The following POFUT3 variants were observed in gnomAD, a reference collection of about 807,000 sequenced individuals.
POFUT3 encodes protein O-fucosyltransferase 3.
chr8:33,427,902 G>A, the POFUT3 span, among the ~76,000 whole-genome samples: 9 of 152,148 alleles, frequency 5.9e-5, no homozygotes, highest in East Asian at 9.7e-4. Context: ...TGAGGTAGGC[G>A]GATCACAAGG....
the POFUT3 span, chr8:33,372,545 T>G: frequency 6.2e-7 from 1 of 1,602,292 alleles, no homozygotes; most frequent in Non-Finnish European, 8.5e-7. Flanking sequence ...TCAAGAAGGC[T>G]CTAGTCTGTT....
At chr8:33,316,592 G>A in the POFUT3 span, among the ~76,000 whole-genome samples, 2 of 147,214 alleles carry the variant, frequency 1.4e-5, no homozygotes, top group East Asian at 2.1e-4. Flanking sequence ...AAGAAAGAAA[G>A]AAAGCTGGGC....
chr8:33,395,476 G>A, the POFUT3 span, among the ~76,000 whole-genome samples: 4 of 151,836 alleles, frequency 2.6e-5, no homozygotes, highest in East Asian at 3.9e-4. Flanking sequence ...GGCCATCCCC[G>A]GCCAAACTCC....
At chr8:33,342,361 C>A in the POFUT3 span, among the ~76,000 whole-genome samples, 1 of 147,398 alleles carries the variant, frequency 6.8e-6, no homozygotes, top group Non-Finnish European at 1.5e-5. Flanking sequence ...TGTCCCCCCA[C>A]AAAAAAAGAA....
At chr8:33,461,360 C>T in the POFUT3 span, 1 of 1,601,722 alleles carries the variant, frequency 6.2e-7, no homozygotes, top group Admixed American at 1.7e-5. Context: ...ACACAACCCA[C>T]ATTCTTGGTA....
chr8:33,441,122 G>A, the POFUT3 span, among the ~76,000 whole-genome samples: 3 of 152,010 alleles, frequency 2.0e-5, no homozygotes, highest in Non-Finnish European at 4.4e-5. Context: ...CCTGAGGTCA[G>A]GAATTCGAGA....
At chr8:33,400,414 C>T in the POFUT3 span, among the ~76,000 whole-genome samples, 2 of 152,026 alleles carry the variant, frequency 1.3e-5, no homozygotes. Flanking sequence ...GATCGCTCCA[C>T]TGCACTCCAG....
chr8:33,330,111 C>T, the POFUT3 span, among the ~76,000 whole-genome samples: 18 of 152,166 alleles, frequency 1.2e-4, no homozygotes, highest in Admixed American at 6.5e-4. Flanking sequence ...TGCTTCATTC[C>T]AAGCACTCTC....
At chr8:33,441,531 C>G in the POFUT3 span, among the ~76,000 whole-genome samples, 3 of 151,904 alleles carry the variant, frequency 2.0e-5, no homozygotes, top group South Asian at 6.2e-4. Flanking sequence ...TAGGTGTGCA[C>G]CACCATGCCC....
chr8:33,317,770 TG>T, the POFUT3 span, among the ~76,000 whole-genome samples: 1 of 152,022 alleles, frequency 6.6e-6, no homozygotes, highest in Non-Finnish European at 1.5e-5. Flanking sequence ...AACCCCAGTT[TG>T]GGTCTGTAAC....
At chr8:33,365,966 T>C in the POFUT3 span, among the ~76,000 whole-genome samples, 274 of 152,346 alleles carry the variant, frequency 1.8e-3, 2 homozygotes, top group Non-Finnish European at 2.7e-3. Flanking sequence ...TGTATGTTTA[T>C]TGTGGCACTA....
chr8:33,382,958 C>A, the POFUT3 span, among the ~76,000 whole-genome samples: 1 of 152,150 alleles, frequency 6.6e-6, no homozygotes, highest in African/African-American at 2.4e-5. Context: ...TCTCAGCACC[C>A]ATATCACACA....
chr8:33,457,622 T>A, the POFUT3 span, among the ~76,000 whole-genome samples: 2 of 152,160 alleles, frequency 1.3e-5, no homozygotes, highest in Non-Finnish European at 2.9e-5. Flanking sequence ...AGTAGCAATA[T>A]GGTTACATTA....
chr8:33,468,218 C>T, the POFUT3 span, among the ~76,000 whole-genome samples: 37 of 143,064 alleles, frequency 2.6e-4, 1 homozygote, highest in East Asian at 4.3e-3. Context: ...CCAGCCTGGA[C>T]GACAGAATGA....
the POFUT3 span, among the ~76,000 whole-genome samples, chr8:33,386,007 G>T: frequency 6.6e-6 from 1 of 151,734 alleles, no homozygotes; most frequent in Non-Finnish European, 1.5e-5. Context: ...GGTCAACATG[G>T]CGGAAACTCT....
At chr8:33,414,104 A>G in the POFUT3 span, among the ~76,000 whole-genome samples, 4 of 152,114 alleles carry the variant, frequency 2.6e-5, no homozygotes, top group Admixed American at 6.5e-5. Flanking sequence ...AAGAAATACA[A>G]TTGTCTTAAG....
the POFUT3 span, among the ~76,000 whole-genome samples, chr8:33,398,887 G>C: frequency 6.6e-6 from 1 of 152,120 alleles, no homozygotes; most frequent in Non-Finnish European, 1.5e-5. Context: ...GCCTTCTTAT[G>C]GGCCGGCATT....
chr8:33,309,148 A>T, the POFUT3 span, among the ~76,000 whole-genome samples: 24 of 40,952 alleles, frequency 5.9e-4, 1 homozygote, highest in African/African-American at 3.2e-3. Context: ...TAAAAAAAAA[A>T]AAAAAAAAAA....
At chr8:33,459,916 C>T in the POFUT3 span, among the ~76,000 whole-genome samples, 6 of 152,098 alleles carry the variant, frequency 3.9e-5, no homozygotes, top group African/African-American at 1.2e-4. Flanking sequence ...CAAAATGAGG[C>T]CAGGTGTGGT....
Sources: allele counts gnomAD v4.1 joint callset (sites outside exome capture counted in the v4.1 genomes callset), GRCh38; gene constraint gnomAD v4.1.1; transcripts MANE v1.5; gene names NCBI Gene and HGNC (gene_info 2026-07-23, HGNC 2026-07-21).